ATP8B4: variants seen among roughly 807,000 people sequenced by gnomAD.
ATP8B4 encodes probable phospholipid-transporting ATPase IM.
ATP8B4 carries 133 observed loss-of-function variants against 145.6 expected under a neutral mutation model. The ratio of observed to expected loss-of-function variants is 0.91; its 90% CI spans 0.79 to 1.05. The LOEUF is 1.05. Among genes scored for constraint, ATP8B4 ranks in the 50% least tolerant of loss-of-function variants. The pLI is 0.00. For missense variants in ATP8B4, 1,458 were observed against 1,425.2 expected (o/e 1.02, Z -0.37); for synonymous variants, 507 against 492.9 (o/e 1.03, Z -0.38).
chr15:50,099,836 C>G (rs1288904131), intron 2 of ATP8B4, among the ~76,000 whole-genome samples: 1 of 151,834 alleles, frequency 6.6e-6, no homozygotes, highest in African/African-American at 2.4e-5. Flanking sequence ...GTCAGGAGTT[C>G]AAGACCAACC....
chr15:50,162,538 G>A lies in ATP8B4; in HGVS notation c.-43+19723C>T, dbSNP rs903791431. 5.3e-5 allele frequency among the ~76,000 whole-genome samples: 8 copies of A among 151,646 alleles called. 1 individual carries two copies. Among genetic ancestry groups the A allele is most frequent in the Admixed American group, 4.6e-4 (7 of 15,210 alleles). ...TTTTTTCTTTTTTAGATGGAGTCTC[G>A]CTCTGTCGCCCAGGCTGGAGTGCAG... is the stretch of plus-strand genomic sequence containing the variant. On this transcript the variant is annotated intron_variant, in intron 1 of 3. Transcript: ENST00000558829.
intron 14 of ATP8B4, among the ~76,000 whole-genome samples, chr15:49,938,795 C>T (rs1298786326): frequency 6.6e-6 from 1 of 152,106 alleles, no homozygotes; most frequent in African/African-American, 2.4e-5. Flanking sequence ...CCATCAACCA[C>T]AGAATATACA....
At chr15:49,931,490 T>C (rs962833651) in intron 15 of ATP8B4, among the ~76,000 whole-genome samples, 183 bp from the exon 16 acceptor site, 8 of 152,058 alleles carry the variant, frequency 5.3e-5, no homozygotes, top group African/African-American at 9.7e-5. Context: ...TGGGATACCA[T>C]AGGACTCTAT....
At chr15:50,158,275 C>T (rs1198768497) in intron 1 of ATP8B4, among the ~76,000 whole-genome samples, 1 of 151,346 alleles carries the variant, frequency 6.6e-6, no homozygotes, top group African/African-American at 2.4e-5. Context: ...GTGAGGAGCG[C>T]CTCTTCCCGG....
At chr15:49,965,777 A>T (rs1219981630) in intron 13 of ATP8B4, among the ~76,000 whole-genome samples, 1 of 152,128 alleles carries the variant, frequency 6.6e-6, no homozygotes, top group African/African-American at 2.4e-5. Context: ...TCCCTAGGAT[A>T]TGGTTCTATT....
chr15:50,009,730 T>A, intron 7 of ATP8B4: 1 of 453,014 alleles, frequency 2.2e-6, no homozygotes, highest in Non-Finnish European at 4.4e-6. Flanking sequence ...TAAAAGTAAA[T>A]AGATTGCGAG....
At chr15:50,039,381 G>T (rs565248113) in intron 5 of ATP8B4, among the ~76,000 whole-genome samples, 3 of 152,184 alleles carry the variant, frequency 2.0e-5, no homozygotes, top group Admixed American at 6.5e-5. Flanking sequence ...ATTTGGTGTA[G>T]ATTTGTGATT....
rs16962989 is a variant in ATP8B4, at chr15:49,860,278, A to T, written c.3495T>A (p.Asn1165Lys). ...ATAAATTTTCAATCCAGCTAGTGCT[A>T]TTATAATGTGTCTTTTCCAGCCCTG... ...PTSGLEKTHY[N>K]STSWIENLCK... is the part of the protein sequence containing the mutation. Residue 1165 changes from asparagine (N) to lysine (K), a missense_variant, in exon 28 of 28, where the codon AAT (asparagine) becomes AAA (lysine). Physicochemically the swap from Asn to Lys is moderately conservative, Grantham distance 94. Transcript: ENST00000284509. 5.0e-3 allele frequency: 8,099 copies of T among 1,614,164 alleles called. 356 individuals are homozygous for T. The African/African-American group carries it at 0.096, about 19-fold the overall frequency.
intron 1 of ATP8B4, among the ~76,000 whole-genome samples, chr15:50,129,896 C>T (rs886982308): frequency 1.3e-4 from 18 of 139,268 alleles, no homozygotes; most frequent in African/African-American, 4.4e-4. Context: ...TGCAGTGAGT[C>T]GAGATGGTGC....
At chr15:49,890,982 C>T (rs1054145065) in intron 23 of ATP8B4, among the ~76,000 whole-genome samples, 1 of 152,152 alleles carries the variant, frequency 6.6e-6, no homozygotes, top group African/African-American at 2.4e-5. Flanking sequence ...CATTCAATGC[C>T]ATGAAGTTTT....
At chr15:50,115,658 G>A (rs1249910839) in intron 1 of ATP8B4, among the ~76,000 whole-genome samples, 2 of 152,052 alleles carry the variant, frequency 1.3e-5, no homozygotes, top group African/African-American at 4.8e-5. Context: ...GCAGTGATAT[G>A]GGGCTGGCAA....
intron 1 of ATP8B4, among the ~76,000 whole-genome samples, 171 bp downstream of exon 1, chr15:50,118,952 A>G (rs1016573443): frequency 1.3e-5 from 2 of 152,176 alleles, no homozygotes; most frequent in South Asian, 2.1e-4. Flanking sequence ...CCCCAAATTT[A>G]TTTTTTAGCA....
intron 3 of ATP8B4, among the ~76,000 whole-genome samples, 171 bp from the exon 4 acceptor site, chr15:50,047,635 G>T (rs1396579184): frequency 6.6e-6 from 1 of 151,844 alleles, no homozygotes; most frequent in Non-Finnish European, 1.5e-5. Flanking sequence ...ATATGCTCCT[G>T]ATACTAGATG....
intron 12 of ATP8B4, among the ~76,000 whole-genome samples, chr15:49,977,476 G>A (rs10519251): frequency 0.14 from 21,133 of 151,978 alleles, 1,631 homozygotes; most frequent in Middle Eastern, 0.19. Context: ...AGGGATATAG[G>A]AAAACACTGT....
chr15:49,925,781 C>T (rs74012843), intron 16 of ATP8B4, among the ~76,000 whole-genome samples: 20,526 of 152,096 alleles, frequency 0.13, 2,076 homozygotes, highest in African/African-American at 0.28. Flanking sequence ...CTTATGTTTA[C>T]TCATTAAACA....
chr15:50,015,330 C>T (rs971475503), intron 6 of ATP8B4, among the ~76,000 whole-genome samples: 2 of 152,098 alleles, frequency 1.3e-5, no homozygotes, highest in African/African-American at 4.8e-5. Context: ...TTTGGCATTA[C>T]ACATATTAGT....
intron 12 of ATP8B4, among the ~76,000 whole-genome samples, chr15:49,974,132 G>A (rs937279233): frequency 5.4e-5 from 8 of 147,320 alleles, no homozygotes; most frequent in African/African-American, 2.0e-4. Flanking sequence ...GCCTAAGCTG[G>A]AGTGCAACGG....
At chr15:50,162,428 T>A (rs986954586) in intron 1 of ATP8B4, among the ~76,000 whole-genome samples, 1 of 152,108 alleles carries the variant, frequency 6.6e-6, no homozygotes, top group Non-Finnish European at 1.5e-5. Context: ...AATCTCTCTA[T>A]CTCCTCTTTG....
At chr15:50,137,265 C>CCTGG (rs1426862120) in intron 1 of ATP8B4, among the ~76,000 whole-genome samples, 1 of 152,186 alleles carries the variant, frequency 6.6e-6, no homozygotes, top group African/African-American at 2.4e-5. Context: ...ACCTAATATC[C>CCTGG]CTGGCTCTTA....
Sources: allele counts gnomAD v4.1 joint callset (sites outside exome capture counted in the v4.1 genomes callset), GRCh38; gene constraint gnomAD v4.1.1; transcripts MANE v1.5; gene names NCBI Gene and HGNC (gene_info 2026-07-23, HGNC 2026-07-21).